The following CHERP variants were observed in gnomAD, a reference collection of about 807,000 sequenced individuals.
CHERP encodes the protein calcium homeostasis endoplasmic reticulum protein, also known as ERPROT 213-21.
Under a neutral mutation model 113.8 loss-of-function variants are expected in CHERP, and 8 were observed. The ratio of observed to expected loss-of-function variants is 0.07; its 90% CI spans 0.04 to 0.13. CHERP has a LOEUF of 0.13. CHERP is among the 10% of genes least tolerant of loss of function. CHERP has a pLI of 1.00. For missense variants in CHERP, 884 were observed against 1,298.2 expected (o/e 0.68, Z 4.90); for synonymous variants, 559 against 524.5 (o/e 1.07, Z -0.90).
At position 16,533,007 on chromosome 19, in the gene CHERP, T is replaced by C. The variant is rs1448912181; in HGVS notation, c.522+4A>G. The stretch of plus-strand genomic sequence containing the variant: ...CTGGGCTCTGGGAAGTGCTGGCCCC[T>C]CACCGAGATGGCGTCCTTGGTGCAC... On this transcript the variant is annotated splice_donor_region_variant and intron_variant, in intron 4 of 16. Transcript: ENST00000546361. 2 of 1,563,122 alleles carry C rather than the reference T, an allele frequency of 1.3e-6. No individual in the cohort carries two copies. Among genetic ancestry groups the C allele is most frequent in the Non-Finnish European group, 1.7e-6 (2 of 1,153,244 alleles).
chr19:16,533,143 T>C lies in CHERP; in HGVS notation c.390A>G (p.Gln130=), dbSNP rs2085718394. 6.3e-7 allele frequency: 1 copy of C among 1,585,348 alleles called. No homozygotes were observed. The highest frequency in any genetic ancestry group is 1.1e-5 in the South Asian group (1 of 87,044). ...EQHLLALRQE[Q]VTAAVAHAVE... The stretch of plus-strand genomic sequence containing the variant: ...CCGCGTGGGCCACGGCCGCTGTCAC[T>C]TGCTCCTGCGGGCGGGGGTCGGTGG... Residue 130 remains glutamine, a synonymous_variant, in exon 4 of 17, where the codon CAA becomes CAG. Coordinates refer to ENST00000546361, the MANE Select transcript of CHERP (RefSeq NM_006387.6).
chr19:16,523,923 C>T lies in CHERP; in HGVS notation c.1742-633G>A, dbSNP rs372078442. 3.9e-5 allele frequency among the ~76,000 whole-genome samples: 6 copies of T among 152,202 alleles called. No individual in the cohort carries two copies. Among genetic ancestry groups the T allele is most frequent in the Admixed American group, 6.5e-5 (1 of 15,278 alleles). On this transcript the variant is annotated intron_variant, in intron 10 of 16. Coordinates refer to ENST00000546361, the MANE Select transcript of CHERP (RefSeq NM_006387.6). The surrounding 1 kb of genome is among the most constrained non-coding windows in gnomAD (Gnocchi z 4.0). ...AAGTAAAAGCAATAAATGTGCCAAGCGGTCTTCAAGCTGCATTTATAATCA... is the reference window on the plus strand; with the variant it reads ...AAGTAAAAGCAATAAATGTGCCAAGTGGTCTTCAAGCTGCATTTATAATCA...
rs577471412 is a variant in CHERP at position 16,523,389 on chromosome 19, A to C, written c.1742-99T>G. 1 of 1,384,730 alleles carries C rather than the reference A, an allele frequency of 7.2e-7. No individual in the cohort carries two copies. The highest frequency in any genetic ancestry group is 1.0e-6 in the Non-Finnish European group (1 of 1,004,194). 85.8% of individuals were successfully genotyped at this position (1,384,730 alleles called of 1,614,324 possible). On this transcript the variant is annotated intron_variant, in intron 10 of 16. Transcript: ENST00000546361. The surrounding 1 kb of genome is among the most constrained non-coding windows in gnomAD (Gnocchi z 4.0). The stretch of plus-strand genomic sequence containing the variant: ...GGCTCAGTGAAGGGCCAGGAGACGA[A>C]CCCCTCCTGGGAGCCTGTCCAGCAT...
At chr19:16,542,154 C>T in intron 1 of CHERP, 111 bp from the exon 2 acceptor site, 1 of 1,267,302 alleles carries the variant, frequency 7.9e-7, no homozygotes, top group Middle Eastern at 2.8e-4. Context: ...GGGGGTGGGC[C>T]CCGAAGAGGC....
intron 2 of CHERP, chr19:16,540,007 C>G (rs1403614185): frequency 6.6e-6 from 1 of 152,216 alleles, no homozygotes; most frequent in African/African-American, 2.4e-5. Flanking sequence ...AACTCTCTCT[C>G]TGTTTCTTGT....
chr19:16,542,336 G>A lies in CHERP; in HGVS notation c.25+18C>T, dbSNP rs776010743. The A allele has an allele frequency of 3.5e-6, 5 of 1,414,114 alleles. 1 individual carries two copies. The South Asian group carries it at 5.0e-5, about 14-fold the overall frequency. The allele number at this position is 1,414,114 out of a possible 1,614,324, so 87.6% of individuals were successfully genotyped here. A position where few individuals can be genotyped will look rare whatever the true frequency, so the allele number is the denominator to read the frequency against. On this transcript the variant is annotated intron_variant, in intron 1 of 16. Transcript: ENST00000546361. ...TCCGGGGAGAGAGAAACGGTCTCTC[G>A]GCCGGTTTGGGTCTCACCATCGGGG...
At chr19:16,528,573 G>A in intron 8 of CHERP, among the ~76,000 whole-genome samples, 1 of 152,186 alleles carries the variant, frequency 6.6e-6, no homozygotes, top group East Asian at 1.9e-4. Flanking sequence ...CTAATTAAAA[G>A]GTCATTTCCC....
At chr19:16,534,059 T>C (rs954124566) in intron 3 of CHERP, among the ~76,000 whole-genome samples, 3 of 148,946 alleles carry the variant, frequency 2.0e-5, no homozygotes, top group Non-Finnish European at 4.5e-5. Context: ...TTTCTTTTCT[T>C]TTTTTTTTTT....
chr19:16,524,247 A>G (rs1223034882), intron 10 of CHERP, among the ~76,000 whole-genome samples: 1 of 151,922 alleles, frequency 6.6e-6, no homozygotes, highest in African/African-American at 2.4e-5. Context: ...TCAGTCTCAA[A>G]AAAACAACAA....
At position 16,535,890 on chromosome 19, in the gene CHERP, C is replaced by T. The variant is rs971129524; in HGVS notation, c.200-254G>A. Among the ~76,000 whole-genome samples the T allele has an allele frequency of 3.3e-5, 5 of 152,180 alleles. No homozygotes were observed. The highest frequency in any genetic ancestry group is 1.3e-4 in the Admixed American group (2 of 15,274). On this transcript the variant is annotated intron_variant, in intron 2 of 16. Coordinates refer to ENST00000546361, the MANE Select transcript of CHERP (RefSeq NM_006387.6). This position sits in a 1 kb window ranked among gnomAD's most constrained non-coding sequence, Gnocchi z 4.3. ...CGGAGAACCTAGGAAGTCCCCTGGC[C>T]GCTCTCTCGCCAGCACCATCCAGTC... is the stretch of plus-strand genomic sequence containing the variant.
Position 16,525,146 on chromosome 19 carries a change from G to C in CHERP, c.1741+96C>G. The C allele has an allele frequency of 8.4e-7, 1 of 1,195,210 alleles. No homozygotes were observed. The highest frequency in any genetic ancestry group is 1.1e-6 in the Non-Finnish European group (1 of 903,400). 74.0% of individuals were successfully genotyped at this position (1,195,210 alleles called of 1,614,324 possible). On this transcript the variant is annotated intron_variant, in intron 10 of 16. Coordinates refer to ENST00000546361, the MANE Select transcript of CHERP (RefSeq NM_006387.6). The surrounding 1 kb of genome is among the most constrained non-coding windows in gnomAD (Gnocchi z 6.5). The stretch of plus-strand genomic sequence containing the variant: ...CCCTGTGTCTGTCACTGTGCACTCA[G>C]GAGCATGGCAGGGCCACAAGCAGCG...
Position 16,523,365 on chromosome 19 carries a change from G to A in CHERP, c.1742-75C>T. On this transcript the variant is annotated intron_variant, in intron 10 of 16. Coordinates refer to ENST00000546361, the MANE Select transcript of CHERP (RefSeq NM_006387.6). This position sits in a 1 kb window ranked among gnomAD's most constrained non-coding sequence, Gnocchi z 4.0. ...AGGCGACAAGTGCTGGAGGGGAGGG[G>A]CTCAGTGAAGGGCCAGGAGACGAAC... 1 of 1,552,598 alleles carries A rather than the reference G, an allele frequency of 6.4e-7. No individual in the cohort carries two copies. The highest frequency in any genetic ancestry group is 8.8e-7 in the Non-Finnish European group (1 of 1,142,658).
Position 16,525,435 on chromosome 19 carries a change from C to A in CHERP, c.1548G>T (p.Met516Ile). 1 of 1,530,870 alleles carries A rather than the reference C, an allele frequency of 6.5e-7. No individual in the cohort carries two copies. Among genetic ancestry groups the A allele is most frequent in the Non-Finnish European group, 8.8e-7 (1 of 1,137,844 alleles). The allele number at this position is 1,530,870 out of a possible 1,614,324, so 94.8% of individuals were successfully genotyped here. Residue 516 changes from methionine to isoleucine, a missense_variant, in exon 10 of 17, where the codon ATG becomes ATT. Met to Ile is a conservative substitution (Grantham distance 10). This residue lies in a region of CHERP where 464 missense variants were observed against 590.1 expected (regional missense o/e 0.79). Coordinates refer to ENST00000546361, the MANE Select transcript of CHERP (RefSeq NM_006387.6). This position sits in a 1 kb window ranked among gnomAD's most constrained non-coding sequence, Gnocchi z 6.5. The part of the protein sequence containing the change: ...GGGQREPPFR[M>I]QRPPHFRGPF... ...GCCCCCGGAAGTGTGGGGGCCGCTG[C>A]ATGCGGAAGGGTGGCTCGCGCTGGC... is the stretch of plus-strand genomic sequence containing the variant.
intron 3 of CHERP, among the ~76,000 whole-genome samples, chr19:16,534,715 C>G (rs2085729588): frequency 6.6e-6 from 1 of 152,074 alleles, no homozygotes; most frequent in Non-Finnish European, 1.5e-5. Context: ...ACCTCATGAT[C>G]TGCCCATCTC....
chr19:16,519,426 C>T lies in CHERP; in HGVS notation c.2558-74G>A, dbSNP rs185946995. ...GGGTGCACGTGGGGGGCTGAATGTC[C>T]AGACAGGCAGTGTAGACATGGGAAA... On this transcript the variant is annotated intron_variant, in intron 16 of 16. Transcript: ENST00000546361. This position sits in a 1 kb window ranked among gnomAD's most constrained non-coding sequence, Gnocchi z 6.0. 4.3e-5 allele frequency: 63 copies of T among 1,471,734 alleles called. No individual in the cohort carries two copies. The highest frequency in any genetic ancestry group is 5.8e-5 in the Non-Finnish European group (62 of 1,074,018). 91.2% of individuals were successfully genotyped at this position (1,471,734 alleles called of 1,614,324 possible).
chr19:16,520,847 T>C lies in CHERP; in HGVS notation c.2180A>G (p.Lys727Arg). The change falls in exon 13 of 17, where the codon AAA becomes AGA. Residue 727 changes from lysine (K) to arginine (R), a missense_variant. Transcript: ENST00000546361. This position sits in a 1 kb window ranked among gnomAD's most constrained non-coding sequence, Gnocchi z 4.0. ...FRAKMRARRR[K>R]GQEKRNSGPS... ...TTACCTGTTCCTCTTCTCCTGGCCT[T>C]TCCTCCGCCGGGCCCGCATTTTTGC... is the stretch of plus-strand genomic sequence containing the variant. 6.2e-7 allele frequency: 1 copy of C among 1,613,882 alleles called. No homozygotes were observed. The highest frequency in any genetic ancestry group is 8.5e-7 in the Non-Finnish European group (1 of 1,180,016).
Position 16,535,757 on chromosome 19 carries a change from T to C in CHERP, c.200-121A>G. The C allele has an allele frequency of 2.1e-6, 2 of 954,314 alleles. No individual in the cohort carries two copies. The highest frequency in any genetic ancestry group is 2.7e-5 in the East Asian group (1 of 37,060). 59.1% of individuals were successfully genotyped at this position (954,314 alleles called of 1,614,324 possible). A position where few individuals can be genotyped will look rare whatever the true frequency, so the allele number is the denominator to read the frequency against. On this transcript the variant is annotated intron_variant, in intron 2 of 16. Transcript: ENST00000546361. This position sits in a 1 kb window ranked among gnomAD's most constrained non-coding sequence, Gnocchi z 4.3. Reference sequence around the variant, plus strand: ...CAGGGACTCACCATCCACGAGGGCCTGTTCATAGCCTCATGCCCACGCAAA... The same window carrying C: ...CAGGGACTCACCATCCACGAGGGCCCGTTCATAGCCTCATGCCCACGCAAA...
At position 16,523,562 on chromosome 19, in the gene CHERP, T is replaced by C. The variant is rs1411715831; in HGVS notation, c.1742-272A>G. 6.6e-6 allele frequency among the ~76,000 whole-genome samples: 1 copy of C among 152,126 alleles called. No individual in the cohort carries two copies. Among genetic ancestry groups the C allele is most frequent in the East Asian group, 1.9e-4 (1 of 5,190 alleles). ...CAAAACTGCACGGTGAGGGCTAAGT[T>C]GTGACCCTCCGAATCCATACGCTGA... On this transcript the variant is annotated intron_variant, in intron 10 of 16. Transcript: ENST00000546361. This position sits in a 1 kb window ranked among gnomAD's most constrained non-coding sequence, Gnocchi z 4.0.
Position 16,520,525 on chromosome 19 carries a change from A to C in CHERP, c.2202-18T>G, listed in dbSNP as rs1266242667. 2 of 1,604,744 alleles carry C rather than the reference A, an allele frequency of 1.2e-6. No homozygotes were observed. Among genetic ancestry groups the C allele is most frequent in the Admixed American group, 3.4e-5 (2 of 59,206 alleles). On this transcript the variant is annotated intron_variant, in intron 13 of 16. Coordinates refer to ENST00000546361, the MANE Select transcript of CHERP (RefSeq NM_006387.6). The surrounding 1 kb of genome is among the most constrained non-coding windows in gnomAD (Gnocchi z 4.0). ...AGGGTCCGCTGTGGGGAGAGGCCTGATGATCAGGTGCCCCAGTGGATGGGC... is the reference window on the plus strand; with the variant it reads ...AGGGTCCGCTGTGGGGAGAGGCCTGCTGATCAGGTGCCCCAGTGGATGGGC...
Sources: allele counts gnomAD v4.1 joint callset (sites outside exome capture counted in the v4.1 genomes callset), GRCh38; gene constraint gnomAD v4.1.1; regional missense constraint gnomAD v4.1.1; non-coding constraint Gnocchi (gnomAD v3.1); transcripts MANE v1.5; gene names NCBI Gene and HGNC (gene_info 2026-07-23, HGNC 2026-07-21).